The following PLXNA2 variants were observed in gnomAD, a reference collection of about 807,000 sequenced individuals.
PLXNA2 encodes the protein plexin A2.
Under a neutral mutation model 193.5 loss-of-function variants are expected in PLXNA2, and 91 were observed. The observed-to-expected ratio is 0.47, with a 90% CI of 0.40 to 0.56. PLXNA2 has a LOEUF of 0.56. PLXNA2 is among the 20% of genes least tolerant of loss of function. The probability of loss-of-function intolerance (pLI) is 0.00; values close to 1 mark genes in which losing one functional copy is unlikely to be tolerated. For synonymous variants in PLXNA2, 997 were observed against 1,027.3 expected (o/e 0.97, Z 0.56); for missense variants, 1,995 against 2,503.2 (o/e 0.80, Z 4.33).
chr1:208,036,742 G>C (rs748912184), intron 26 of PLXNA2, among the ~76,000 whole-genome samples: 1 of 152,206 alleles, frequency 6.6e-6, no homozygotes, highest in Non-Finnish European at 1.5e-5. Flanking sequence ...GTAAATATTT[G>C]AGGACTGAAT....
At chr1:208,126,853 T>A (rs1571945790) in intron 4 of PLXNA2, among the ~76,000 whole-genome samples, 1 of 152,008 alleles carries the variant, frequency 6.6e-6, no homozygotes, top group Admixed American at 6.5e-5. Flanking sequence ...CCTCCCTACC[T>A]CAGAAGCACT....
intron 13 of PLXNA2, among the ~76,000 whole-genome samples, chr1:208,055,936 T>C (rs1326798850): frequency 2.6e-5 from 4 of 152,256 alleles, no homozygotes; most frequent in Admixed American, 2.6e-4. Context: ...TGAACGCATA[T>C]GGAAGAATAG....
At chr1:208,188,070 G>C (rs1463355282) in intron 3 of PLXNA2, among the ~76,000 whole-genome samples, 3 of 152,184 alleles carry the variant, frequency 2.0e-5, no homozygotes, top group African/African-American at 4.8e-5. Context: ...ACCACCACCA[G>C]TGACGCGCAC....
intron 12 of PLXNA2, among the ~76,000 whole-genome samples, chr1:208,068,463 A>G (rs1665868275): frequency 6.6e-6 from 1 of 152,224 alleles, no homozygotes; most frequent in African/African-American, 2.4e-5. Context: ...GAAGACAGCA[A>G]TTAAGTCACC....
chr1:208,086,242 C>T (rs1666515462), intron 9 of PLXNA2, among the ~76,000 whole-genome samples: 1 of 151,966 alleles, frequency 6.6e-6, no homozygotes, highest in African/African-American at 2.4e-5. Context: ...ATGTAACGGA[C>T]ATGTCAAGCA....
intron 12 of PLXNA2, among the ~76,000 whole-genome samples, chr1:208,063,541 A>G (rs1665683022): frequency 6.6e-6 from 1 of 152,196 alleles, no homozygotes; most frequent in African/African-American, 2.4e-5. Context: ...AGCTGGGGGA[A>G]TCCAAGCCGG....
intron 4 of PLXNA2, among the ~76,000 whole-genome samples, chr1:208,114,280 C>T (rs1667574544): frequency 6.6e-6 from 1 of 152,180 alleles, no homozygotes; most frequent in Admixed American, 6.5e-5. Flanking sequence ...TCTAATCTTC[C>T]ATCCTTGATA....
chr1:208,118,755 T>C (rs1447752881), intron 4 of PLXNA2, among the ~76,000 whole-genome samples: 2 of 151,414 alleles, frequency 1.3e-5, no homozygotes, highest in African/African-American at 2.4e-5. Flanking sequence ...TTTTTTTCTT[T>C]TTTTTTTAAA....
At chr1:208,210,134 C>T in intron 3 of PLXNA2, 146 bp downstream of exon 3, 2 of 794,778 alleles carry the variant, frequency 2.5e-6, no homozygotes, top group Admixed American at 2.0e-5. Context: ...ACAAAATTAA[C>T]CCCTTCTTAC....
At chr1:208,166,879 A>G (rs1669327169) in intron 3 of PLXNA2, among the ~76,000 whole-genome samples, 1 of 152,180 alleles carries the variant, frequency 6.6e-6, no homozygotes, top group African/African-American at 2.4e-5. Flanking sequence ...GCTTAGGCAT[A>G]GCACTCCTTC....
rs918800170 is a variant in PLXNA2, at chr1:208,082,350, T to C, written c.2395+62A>G. On this transcript the variant is annotated intron_variant, in intron 11 of 31. Coordinates refer to ENST00000367033, the MANE Select transcript of PLXNA2 (RefSeq NM_025179.4). The surrounding 1 kb of genome is among the most constrained non-coding windows in gnomAD (Gnocchi z 4.2). Reference sequence around the variant, plus strand: ...AGCGGCTGGCTGGCTCTGATCCCTCTAGCCCCAGTCTTTCCCGGGGTCGTG... The same window carrying C: ...AGCGGCTGGCTGGCTCTGATCCCTCCAGCCCCAGTCTTTCCCGGGGTCGTG... 4 of 1,332,430 alleles carry C rather than the reference T, an allele frequency of 3.0e-6. No individual in the cohort carries two copies. Among genetic ancestry groups the C allele is most frequent in the Admixed American group, 1.8e-5 (1 of 54,806 alleles). 82.5% of individuals were successfully genotyped at this position (1,332,430 alleles called of 1,614,324 possible). A position where few individuals can be genotyped will look rare whatever the true frequency, so the allele number is the denominator to read the frequency against.
chr1:208,067,363 T>A (rs1665833248), intron 12 of PLXNA2, among the ~76,000 whole-genome samples: 1 of 151,760 alleles, frequency 6.6e-6, no homozygotes, highest in South Asian at 2.1e-4. Context: ...AAAAAAAAGT[T>A]ATAATAACTA....
chr1:208,038,689 T>G lies in PLXNA2; in HGVS notation c.4660+136A>C, dbSNP rs1664755843. 1 of 969,256 alleles carries G rather than the reference T, an allele frequency of 1.0e-6. No individual in the cohort carries two copies. The highest frequency in any genetic ancestry group is 1.6e-6 in the Non-Finnish European group (1 of 628,446). The allele number at this position is 969,256 out of a possible 1,614,324, so 60.0% of individuals were successfully genotyped here. On this transcript the variant is annotated intron_variant, in intron 25 of 31. Transcript: ENST00000367033. The surrounding 1 kb of genome is among the most constrained non-coding windows in gnomAD (Gnocchi z 4.1). ...ACAGCCACATCTGAACAGGCAGCGCTCAAAGCGGGAAGCATTTCACACGGG... is the reference window on the plus strand; with the variant it reads ...ACAGCCACATCTGAACAGGCAGCGCGCAAAGCGGGAAGCATTTCACACGGG...
chr1:208,128,578 C>T (rs1571947955), intron 4 of PLXNA2, among the ~76,000 whole-genome samples: 2 of 152,148 alleles, frequency 1.3e-5, no homozygotes, highest in Admixed American at 1.3e-4. Flanking sequence ...AATTGCCTCC[C>T]AAGATGAGGC....
intron 8 of PLXNA2, among the ~76,000 whole-genome samples, chr1:208,094,490 C>T (rs944604772): frequency 1.6e-4 from 24 of 151,910 alleles, no homozygotes; most frequent in African/African-American, 5.6e-4. Flanking sequence ...GTTGCCATAG[C>T]AATACATCTT....
chr1:208,052,404 C>A lies in PLXNA2; in HGVS notation c.2916G>T (p.Val972=), dbSNP rs879147691. ...IRGPESGGTM[V]TITGHYLGAG... ...CCCCAAGGTAATGGCCGGTAATGGT[C>A]ACCATAGTGCCTCCTGACTCGGGAC... The change falls in exon 15 of 32, where the codon GTG becomes GTT. Residue 972 remains valine, a synonymous_variant. Coordinates refer to ENST00000367033, the MANE Select transcript of PLXNA2 (RefSeq NM_025179.4). The A allele has an allele frequency of 1.2e-6, 2 of 1,614,124 alleles. No homozygotes were observed. The highest frequency in any genetic ancestry group is 2.2e-5 in the South Asian group (2 of 91,082).
At chr1:208,071,978 C>T (rs1316127016) in intron 12 of PLXNA2, among the ~76,000 whole-genome samples, 1 of 152,162 alleles carries the variant, frequency 6.6e-6, no homozygotes, top group Non-Finnish European at 1.5e-5. Flanking sequence ...AATGCATTTG[C>T]ATCTGAGAGA....
intron 4 of PLXNA2, among the ~76,000 whole-genome samples, chr1:208,140,518 A>G (rs1668429504): frequency 6.6e-6 from 1 of 152,152 alleles, no homozygotes; most frequent in Admixed American, 6.5e-5. Context: ...ATTGCATAAA[A>G]TGTGAGTCTA....
intron 2 of PLXNA2, among the ~76,000 whole-genome samples, chr1:208,216,518 C>T (rs776640570): frequency 6.6e-6 from 1 of 152,208 alleles, no homozygotes; most frequent in Non-Finnish European, 1.5e-5. Flanking sequence ...GCACTCAATA[C>T]ATATATTTGA....
Sources: gnomAD v4.1 joint callset for allele counts (sites outside exome capture counted in the v4.1 genomes callset) on GRCh38, gnomAD v4.1.1 for gene constraint, Gnocchi (gnomAD v3.1) non-coding constraint, MANE v1.5 for transcripts, NCBI Gene and HGNC (gene_info 2026-07-23, HGNC 2026-07-21) for gene names.